GNAO1: variants seen among roughly 807,000 people sequenced by gnomAD.
GNAO1 encodes the protein guanine nucleotide-binding protein G(o) subunit alpha.
For missense variants in GNAO1, 166 were observed against 478.7 expected (o/e 0.35, Z 6.10); for synonymous variants, 164 against 180.7 (o/e 0.91, Z 0.74).
At chr16:56,301,489 A>T (rs1014669069) in intron 3 of GNAO1, among the ~76,000 whole-genome samples, 1 of 152,214 alleles carries the variant, frequency 6.6e-6, no homozygotes, top group Non-Finnish European at 1.5e-5. Context: ...TCTTCAGGGC[A>T]TGAAGAGGCT....
chr16:56,251,494 C>G (rs2036799512), intron 2 of GNAO1, among the ~76,000 whole-genome samples: 1 of 152,182 alleles, frequency 6.6e-6, no homozygotes, highest in African/African-American at 2.4e-5. Flanking sequence ...AGTTAAATAA[C>G]TTTTACAAAA....
At chr16:56,336,890 G>C in intron 6 of GNAO1, 30 bp downstream of exon 6, 2 of 1,593,516 alleles carry the variant, frequency 1.3e-6, no homozygotes, top group Non-Finnish European at 1.7e-6. Flanking sequence ...CGGGCAGGGG[G>C]CAGCGCTGAG....
intron 3 of GNAO1, among the ~76,000 whole-genome samples, chr16:56,293,413 G>A (rs145872735): frequency 2.6e-5 from 4 of 152,122 alleles, no homozygotes; most frequent in African/African-American, 7.2e-5. Context: ...GGTGGCTATG[G>A]TGGTGGCTTC....
rs1387250041 is a variant in GNAO1, at chr16:56,191,941, C to T, written c.-295C>T. ...GCCTCAGTGCCTGCAGTCCGCGCCT[C>T]CTCGGCCCGCGGGCGCCTCCTCCCT... On this transcript the variant is annotated 5_prime_UTR_variant, in exon 1 of 9. Transcript: ENST00000262493. The surrounding 1 kb of genome is among the most constrained non-coding windows in gnomAD (Gnocchi z 4.7). The T allele has an allele frequency of 4.2e-6, 2 of 479,540 alleles. No homozygotes were observed. Among genetic ancestry groups the T allele is most frequent in the Non-Finnish European group, 7.4e-6 (2 of 269,596 alleles). The allele number at this position is 479,540 out of a possible 1,614,324, so 29.7% of individuals were successfully genotyped here.
At chr16:56,208,905 A>G (rs1301020602) in intron 2 of GNAO1, among the ~76,000 whole-genome samples, 2 of 151,962 alleles carry the variant, frequency 1.3e-5, no homozygotes, top group African/African-American at 4.8e-5. Context: ...TTTTCATTGC[A>G]AATATTACCT....
chr16:56,345,149 C>T, intron 6 of GNAO1: 1 of 985,876 alleles, frequency 1.0e-6, no homozygotes, highest in Non-Finnish European at 1.2e-6. Context: ...GGTAGCTTCT[C>T]CCGGTGACGG....
intron 2 of GNAO1, among the ~76,000 whole-genome samples, chr16:56,238,299 T>A (rs1473923813): frequency 6.6e-6 from 1 of 152,240 alleles, no homozygotes; most frequent in Admixed American, 6.5e-5. Flanking sequence ...TCTTCTCTCT[T>A]AATCCAGAAA....
At chr16:56,306,082 T>C (rs1279450507) in intron 3 of GNAO1, among the ~76,000 whole-genome samples, 4 of 152,210 alleles carry the variant, frequency 2.6e-5, no homozygotes, top group African/African-American at 9.7e-5. Flanking sequence ...GATCAGCATA[T>C]TTTGAATGCT....
At chr16:56,238,078 CT>C (rs1220838298) in intron 2 of GNAO1, among the ~76,000 whole-genome samples, 1 of 152,096 alleles carries the variant, frequency 6.6e-6, no homozygotes, top group Non-Finnish European at 1.5e-5. Flanking sequence ...GACAGAGGGT[CT>C]CCATCATGGG....
chr16:56,322,741 G>A (rs533513699), intron 3 of GNAO1, among the ~76,000 whole-genome samples: 10 of 152,188 alleles, frequency 6.6e-5, no homozygotes, highest in African/African-American at 2.2e-4. Flanking sequence ...CCTTACTGGC[G>A]ATGTGATCTT....
intron 2 of GNAO1, among the ~76,000 whole-genome samples, chr16:56,260,133 G>A (rs531540773): frequency 6.6e-6 from 1 of 152,332 alleles, no homozygotes; most frequent in South Asian, 2.1e-4. Flanking sequence ...AGGATTCAGT[G>A]TGGCAGTGTC....
intron 3 of GNAO1, among the ~76,000 whole-genome samples, chr16:56,282,988 C>T (rs903686978): frequency 1.1e-4 from 16 of 152,234 alleles, no homozygotes; most frequent in African/African-American, 3.6e-4. Context: ...TACCACTCTT[C>T]TGAGGTCTAC....
intron 2 of GNAO1, among the ~76,000 whole-genome samples, chr16:56,234,668 G>A (rs1317302098): frequency 3.3e-5 from 5 of 152,146 alleles, no homozygotes; most frequent in Admixed American, 2.6e-4. Context: ...AGTCTTCTCC[G>A]AGGGTACAGG....
At chr16:56,211,230 A>G (rs536542229) in intron 2 of GNAO1, among the ~76,000 whole-genome samples, 8 of 152,356 alleles carry the variant, frequency 5.3e-5, no homozygotes, top group African/African-American at 1.7e-4. Flanking sequence ...TTGGAGGCAG[A>G]TTATTGATAA....
At chr16:56,341,054 C>A in intron 6 of GNAO1, 5 of 1,304,486 alleles carry the variant, frequency 3.8e-6, no homozygotes, top group Non-Finnish European at 5.4e-6. Flanking sequence ...CCCAGTCCAC[C>A]CTTCCTGTGC....
intron 3 of GNAO1, among the ~76,000 whole-genome samples, chr16:56,278,336 A>G (rs1201273555): frequency 1.3e-5 from 2 of 152,170 alleles, no homozygotes. Flanking sequence ...TGGTGGGCAA[A>G]GGCCTCCCTG....
At chr16:56,344,501 C>T in intron 6 of GNAO1, 1 of 989,750 alleles carries the variant, frequency 1.0e-6, no homozygotes. Flanking sequence ...TCTCCCTGCT[C>T]CCTCCCCTGG....
chr16:56,341,835 G>T (rs567271122), intron 6 of GNAO1, among the ~76,000 whole-genome samples: 1 of 152,194 alleles, frequency 6.6e-6, no homozygotes, highest in Non-Finnish European at 1.5e-5. Flanking sequence ...TTCTGAGATG[G>T]CCAGACCCTG....
chr16:56,195,421 G>A (rs2143284727), intron 2 of GNAO1, among the ~76,000 whole-genome samples: 1 of 152,302 alleles, frequency 6.6e-6, no homozygotes, highest in South Asian at 2.1e-4. Context: ...CTGTATCCTA[G>A]TAACAAATTT....
Sources: allele counts gnomAD v4.1 joint callset (sites outside exome capture counted in the v4.1 genomes callset), GRCh38; gene constraint gnomAD v4.1.1; non-coding constraint Gnocchi (gnomAD v3.1); transcripts MANE v1.5; gene names NCBI Gene and HGNC (gene_info 2026-07-23, HGNC 2026-07-21).